Variants in S100A7A observed in about 807,000 individuals in gnomAD.
S100A7A encodes protein S100-A7A.
A neutral mutation model predicts 4.0 loss-of-function variants in S100A7A; 5 were observed. The ratio of observed to expected loss-of-function variants is 1.26; its 90% CI spans 0.66 to 2.66. S100A7A has a LOEUF of 2.66. S100A7A is among the 30% of genes most tolerant of loss of function. The pLI is 0.01. For synonymous variants in S100A7A, 52 were observed against 46.4 expected, an observed-to-expected ratio of 1.12 and a Z score of -0.49; for missense variants, 159 against 125.1, an observed-to-expected ratio of 1.27 and a Z score of -1.29.
Position 153,422,458 on chromosome 1 carries a change from C to T in S100A7A, c.*3149C>T. On this transcript the variant is annotated 3_prime_UTR_variant, in exon 3 of 3. Coordinates refer to ENST00000368729, the MANE Select transcript of S100A7A (RefSeq NM_176823.4). ...CTTGATTTGGAATAATTAATAGCTA[C>T]TGGACATTATATTGGTACTAAAGAG... 1 of 935,218 alleles carries T rather than the reference C, an allele frequency of 1.1e-6. No homozygotes were observed. The highest frequency in any genetic ancestry group is 4.9e-5 in the South Asian group (1 of 20,236). The allele number at this position is 935,218 out of a possible 1,614,324, so 57.9% of individuals were successfully genotyped here.
chr1:153,417,975 T>A, intron 1 of S100A7A, 91 bp from the exon 2 acceptor site: 1 of 1,498,526 alleles, frequency 6.7e-7, no homozygotes, highest in Non-Finnish European at 9.0e-7. Context: ...TAGGGCTGTT[T>A]TTACTCTGTC....
In S100A7A at chr1:153,421,969, C is replaced by T. The variant is rs1025530661; in HGVS notation, c.*2660C>T. 6.6e-6 allele frequency: 1 copy of T among 152,238 alleles called. No homozygotes were observed. Among genetic ancestry groups the T allele is most frequent in the Non-Finnish European group, 1.5e-5 (1 of 68,050 alleles). 9.4% of individuals were successfully genotyped at this position (152,238 alleles called of 1,614,324 possible). On this transcript the variant is annotated 3_prime_UTR_variant, in exon 3 of 3. Coordinates refer to ENST00000368729, the MANE Select transcript of S100A7A (RefSeq NM_176823.4). ...CTGAGACTATTTCACACTCTCCATG[C>T]TTATGTCAATGCAGGACTCATCACA...
At chr1:153,418,314 T>C (rs760223394) in intron 2 of S100A7A, 91 bp downstream of exon 2, 41 of 1,528,796 alleles carry the variant, frequency 2.7e-5, no homozygotes, top group East Asian at 4.5e-5. Context: ...GTCACCCTCA[T>C]CCTCTGATTA....
rs1329554032 is a variant in S100A7A, at chr1:153,422,593, C to CT, written c.*3294dup. On this transcript the variant is annotated 3_prime_UTR_variant, in exon 3 of 3. Coordinates refer to ENST00000368729, the MANE Select transcript of S100A7A (RefSeq NM_176823.4). ...TTCTGATATCAAAACATTCCAATAA[C>CT]TTTTTTTTTTCAGGCGCAGTCTCAC... 9,678 of 889,918 alleles carry CT rather than the reference C, an allele frequency of 0.011. 43 individuals are homozygous for CT. The highest frequency in any genetic ancestry group is 0.049 in the African/African-American group (2,686 of 55,210). The allele number at this position is 889,918 out of a possible 1,614,324, so 55.1% of individuals were successfully genotyped here.
chr1:153,419,657 G>A lies in S100A7A; in HGVS notation c.*348G>A, dbSNP rs1169595350. The A allele has an allele frequency of 6.9e-6, 2 of 289,012 alleles. No individual in the cohort carries two copies. Among genetic ancestry groups the A allele is most frequent in the East Asian group, 6.7e-5 (1 of 14,886 alleles). The allele number at this position is 289,012 out of a possible 1,614,324, so 17.9% of individuals were successfully genotyped here. A position where few individuals can be genotyped will look rare whatever the true frequency, so the allele number is the denominator to read the frequency against. ...TCACAGCAATGCTCTCCTTGTCAAG[G>A]CATGGACCAGGGTCATTCAGACACA... On this transcript the variant is annotated 3_prime_UTR_variant, in exon 3 of 3. Transcript: ENST00000368729.
Position 153,419,372 on chromosome 1 carries a change from A to G in S100A7A, c.*63A>G, listed in dbSNP as rs1662835825. 2.0e-6 allele frequency: 3 copies of G among 1,519,628 alleles called. No individual in the cohort carries two copies. In the East Asian group the frequency reaches 6.8e-5, roughly 35 times the overall value. 94.1% of individuals were successfully genotyped at this position (1,519,628 alleles called of 1,614,324 possible). A position where few individuals can be genotyped will look rare whatever the true frequency, so the allele number is the denominator to read the frequency against. ...CAATAAGTGTCTCCTCCCACCAGAC[A>G]CTTGCCTTATTTCTTCTTCTCTTTG... On this transcript the variant is annotated 3_prime_UTR_variant, in exon 3 of 3. Transcript: ENST00000368729.
rs60757213 is a variant in S100A7A at position 153,419,174 on chromosome 1, T to C, written c.171T>C (p.Thr57=). Residue 57 remains threonine, a synonymous_variant, in exon 3 of 3, where the codon ACT becomes ACC. Transcript: ENST00000368729. The part of the protein sequence containing the change: ...CDKKGIHYLA[T]VFEKKDKNED... ...AAAAGGGCATACATTACCTCGCCAC[T>C]GTCTTTGAGAAAAAGGACAAGAATG... 6,987 of 1,614,158 alleles carry C rather than the reference T, an allele frequency of 4.3e-3. 252 individuals are homozygous for C. The African/African-American group carries it at 0.078, about 18-fold the overall frequency.
In S100A7A at chr1:153,422,474, T is replaced by C; in HGVS notation, c.*3165T>C. 1.9e-5 allele frequency: 18 copies of C among 969,718 alleles called. No homozygotes were observed. Among genetic ancestry groups the C allele is most frequent in the Non-Finnish European group, 2.1e-5 (17 of 815,580 alleles). The allele number at this position is 969,718 out of a possible 1,614,324, so 60.1% of individuals were successfully genotyped here. A position where few individuals can be genotyped will look rare whatever the true frequency, so the allele number is the denominator to read the frequency against. On this transcript the variant is annotated 3_prime_UTR_variant, in exon 3 of 3. Coordinates refer to ENST00000368729, the MANE Select transcript of S100A7A (RefSeq NM_176823.4). ...TAATAGCTACTGGACATTATATTGG[T>C]ACTAAAGAGAAAGAATACTTGACAG...
rs372126522 is a variant in S100A7A, at chr1:153,418,046, A to G, written c.-17-20A>G. On this transcript the variant is annotated intron_variant, in intron 1 of 2. Coordinates refer to ENST00000368729, the MANE Select transcript of S100A7A (RefSeq NM_176823.4). The stretch of plus-strand genomic sequence containing the variant: ...TTAATTCAAACTAAGGTAAGAAATG[A>G]TTGTCTTTATTTCCTGAAGGCTTTT... The G allele has an allele frequency of 6.2e-6, 10 of 1,612,182 alleles. No individual in the cohort carries two copies. Among genetic ancestry groups the G allele is most frequent in the Admixed American group, 5.0e-5 (3 of 59,922 alleles).
rs749502054 is a variant in S100A7A at position 153,418,239 on chromosome 1, G to C, written c.141+16G>C. 6.2e-7 allele frequency: 1 copy of C among 1,613,830 alleles called. No homozygotes were observed. Among genetic ancestry groups the C allele is most frequent in the Non-Finnish European group, 8.5e-7 (1 of 1,179,808 alleles). On this transcript the variant is annotated intron_variant, in intron 2 of 2. Transcript: ENST00000368729. ...CAGTGCCTGTGTGAGTTGGGGTCTAGCTTCTCAATGTTGGTTGGACCCTGG... is the reference window on the plus strand; with the variant it reads ...CAGTGCCTGTGTGAGTTGGGGTCTACCTTCTCAATGTTGGTTGGACCCTGG...
At position 153,420,171 on chromosome 1, in the gene S100A7A, G is replaced by A. The variant is rs1310503177; in HGVS notation, c.*862G>A. ...CTCATGCTGACTGTGATGAGAAATT[G>A]CAGCACCTCTATCTCGCAGGTAATG... On this transcript the variant is annotated 3_prime_UTR_variant, in exon 3 of 3. Coordinates refer to ENST00000368729, the MANE Select transcript of S100A7A (RefSeq NM_176823.4). 1 of 152,196 alleles carries A rather than the reference G, an allele frequency of 6.6e-6. No individual in the cohort carries two copies. The highest frequency in any genetic ancestry group is 1.5e-5 in the Non-Finnish European group (1 of 68,034). 9.4% of individuals were successfully genotyped at this position (152,196 alleles called of 1,614,324 possible). A position where few individuals can be genotyped will look rare whatever the true frequency, so the allele number is the denominator to read the frequency against.
Position 153,421,786 on chromosome 1 carries a change from C to T in S100A7A, c.*2477C>T, listed in dbSNP as rs1157269898. On this transcript the variant is annotated 3_prime_UTR_variant, in exon 3 of 3. Transcript: ENST00000368729. ...TTGGCCACTCCTAATGTGGGCCTGC[C>T]CTCCCTTTATTTTTCCAGTTCTTAT... is the stretch of plus-strand genomic sequence containing the variant. 6.6e-6 allele frequency: 1 copy of T among 152,150 alleles called. No individual in the cohort carries two copies. Among genetic ancestry groups the T allele is most frequent in the African/African-American group, 2.4e-5 (1 of 41,420 alleles). The allele number at this position is 152,150 out of a possible 1,614,324, so 9.4% of individuals were successfully genotyped here.
intron 1 of S100A7A, among the ~76,000 whole-genome samples, chr1:153,417,708 G>A (rs759679974): frequency 1.3e-5 from 2 of 152,210 alleles, no homozygotes; most frequent in African/African-American, 4.8e-5. Context: ...ATTTGGTGCT[G>A]TTTCAAGAGT....
Position 153,422,613 on chromosome 1 carries a change from TCTCA to T in S100A7A, c.*3308_*3311del, listed in dbSNP as rs1662926096. On this transcript the variant is annotated 3_prime_UTR_variant, in exon 3 of 3. Transcript: ENST00000368729. ...AATAACTTTTTTTTTTCAGGCGCAG[TCTCA>T]CTCTGTCGCCCGGGCTGGAGTGCTG... The T allele has an allele frequency of 2.6e-6, 2 of 775,222 alleles. No homozygotes were observed. Among genetic ancestry groups the T allele is most frequent in the African/African-American group, 1.9e-5 (1 of 52,954 alleles). 48.0% of individuals were successfully genotyped at this position (775,222 alleles called of 1,614,324 possible).
At position 153,419,352 on chromosome 1, in the gene S100A7A, A is replaced by AAAT. The variant is rs1408901319; in HGVS notation, c.*43_*44insAAT. 6.3e-7 allele frequency: 1 copy of AAAT among 1,581,944 alleles called. No homozygotes were observed. The highest frequency in any genetic ancestry group is 8.6e-7 in the Non-Finnish European group (1 of 1,162,408). On this transcript the variant is annotated 3_prime_UTR_variant, in exon 3 of 3. Transcript: ENST00000368729. The stretch of plus-strand genomic sequence containing the variant: ...GCCTCCAGAGACCCCAGGAACAATA[A>AAAT]GTGTCTCCTCCCACCAGACACTTGC...
chr1:153,420,140 A>C lies in S100A7A; in HGVS notation c.*831A>C, dbSNP rs1662859242. On this transcript the variant is annotated 3_prime_UTR_variant, in exon 3 of 3. Transcript: ENST00000368729. ...ACGGAAATTCTGTAAGGACTGACAC[A>C]GAGAGCTCATGCTGACTGTGATGAG... is the stretch of plus-strand genomic sequence containing the variant. 1 of 152,372 alleles carries C rather than the reference A, an allele frequency of 6.6e-6. No individual in the cohort carries two copies. The highest frequency in any genetic ancestry group is 2.4e-5 in the African/African-American group (1 of 41,572). 9.4% of individuals were successfully genotyped at this position (152,372 alleles called of 1,614,324 possible). A position where few individuals can be genotyped will look rare whatever the true frequency, so the allele number is the denominator to read the frequency against.
intron 2 of S100A7A, among the ~76,000 whole-genome samples, chr1:153,418,586 A>C (rs1299609188): frequency 6.6e-6 from 1 of 152,190 alleles, no homozygotes. Context: ...TTACTGGGAA[A>C]GCACTAGAAG....
At chr1:153,419,069 C>A in intron 2 of S100A7A, 76 bp from the exon 3 acceptor site, 1 of 1,493,966 alleles carries the variant, frequency 6.7e-7, no homozygotes, top group Non-Finnish European at 9.2e-7. Flanking sequence ...TGTATCTCTG[C>A]CTCCTCCTCT....
chr1:153,419,869 C>T lies in S100A7A; in HGVS notation c.*560C>T, dbSNP rs1662851257. ...TCAGCAGTGCCCTGAGGATGGGCTT[C>T]CTTGTCCTGTGGCCTCTGCTCCAGG... On this transcript the variant is annotated 3_prime_UTR_variant, in exon 3 of 3. Coordinates refer to ENST00000368729, the MANE Select transcript of S100A7A (RefSeq NM_176823.4). The T allele has an allele frequency of 6.5e-6, 1 of 153,892 alleles. No individual in the cohort carries two copies. 9.5% of individuals were successfully genotyped at this position (153,892 alleles called of 1,614,324 possible).
Sources: allele counts gnomAD v4.1 joint callset (sites outside exome capture counted in the v4.1 genomes callset), GRCh38; gene constraint gnomAD v4.1.1; transcripts MANE v1.5; gene names NCBI Gene and HGNC (gene_info 2026-07-23, HGNC 2026-07-21).